Variants in SLC13A4 observed in about 807,000 individuals in gnomAD.
SLC13A4 encodes the protein solute carrier family 13 member 4.
A neutral mutation model predicts 72.7 loss-of-function variants in SLC13A4; 28 were observed. The ratio of observed to expected loss-of-function variants is 0.39; its 90% CI spans 0.29 to 0.53. The LOEUF (loss-of-function observed/expected upper bound fraction) is 0.53. SLC13A4 is among the 20% of genes least tolerant of loss of function. SLC13A4 has a pLI of 0.78. For missense variants in SLC13A4, 653 were observed against 788.0 expected, an observed-to-expected ratio of 0.83 and a Z score of 2.05; for synonymous variants, 312 against 325.5, an observed-to-expected ratio of 0.96 and a Z score of 0.45.
At chr7:135,703,085 T>C (rs1035666068) in intron 5 of SLC13A4, 6 of 583,436 alleles carry the variant, frequency 1.0e-5, no homozygotes, top group Non-Finnish European at 1.8e-5. Flanking sequence ...GGGGCCTGCT[T>C]CCTTCTGAGG....
At chr7:135,721,324 C>T in intron 2 of SLC13A4, 71 bp downstream of exon 2, 1 of 1,576,734 alleles carries the variant, frequency 6.3e-7, no homozygotes, top group Non-Finnish European at 8.7e-7. Context: ...GTGAATCTCC[C>T]TTCATTGGAG....
At chr7:135,684,899 A>G (rs1795586816) in intron 14 of SLC13A4, among the ~76,000 whole-genome samples, 1 of 152,168 alleles carries the variant, frequency 6.6e-6, no homozygotes, top group African/African-American at 2.4e-5. Flanking sequence ...CCAGAATGGG[A>G]CAGATGAAGC....
intron 8 of SLC13A4, 105 bp from the exon 9 acceptor site, chr7:135,695,592 G>T: frequency 2.3e-6 from 3 of 1,295,590 alleles, no homozygotes; most frequent in Admixed American, 4.6e-5. Context: ...TGGGCTAAGT[G>T]GGGAGATAAT....
At chr7:135,705,931 G>A (rs1796149455) in intron 4 of SLC13A4, 197 bp downstream of exon 4, 2 of 571,330 alleles carry the variant, frequency 3.5e-6, no homozygotes, top group African/African-American at 1.9e-5. Flanking sequence ...GCCAGAACAG[G>A]GAGTTCAGGG....
intron 1 of SLC13A4, among the ~76,000 whole-genome samples, chr7:135,722,172 G>A (rs1287089390): frequency 6.6e-6 from 1 of 152,090 alleles, no homozygotes; most frequent in Non-Finnish European, 1.5e-5. Flanking sequence ...TGAGCCCAGG[G>A]GCTTCAGGCT....
chr7:135,682,498 G>A (rs1795525345), intron 15 of SLC13A4, among the ~76,000 whole-genome samples: 1 of 152,244 alleles, frequency 6.6e-6, no homozygotes, highest in African/African-American at 2.4e-5. Flanking sequence ...AGGGGAAAGT[G>A]GATGCTGGGA....
rs1225027141 is a variant in SLC13A4, at chr7:135,685,535, A to C, written c.1595T>G (p.Ile532Ser). 6.2e-7 allele frequency: 1 copy of C among 1,614,112 alleles called. No homozygotes were observed. The highest frequency in any genetic ancestry group is 8.5e-7 in the Non-Finnish European group (1 of 1,179,988). Reference sequence around the variant, plus strand: ...CGCATTACTCACCAGGCTGCACAGGATGGGCAGGAAGATGGTGATGGTTGC... The same window carrying C: ...CGCATTACTCACCAGGCTGCACAGGCTGGGCAGGAAGATGGTGATGGTTGC... ...NPATITIFLP[I>S]LCSLSETLHI... The change falls in exon 14 of 16, where the codon ATC becomes AGC. Residue 532 changes from isoleucine to serine, a missense_variant. Ile to Ser is a moderately radical substitution (Grantham distance 142). Transcript: ENST00000682651.
chr7:135,724,360 G>T (rs1173725495), intron 1 of SLC13A4, among the ~76,000 whole-genome samples: 1 of 151,816 alleles, frequency 6.6e-6, no homozygotes, highest in East Asian at 1.9e-4. Flanking sequence ...ATCCAGGTGT[G>T]GTGGCACATG....
At chr7:135,687,436 A>G (rs1349296817) in intron 13 of SLC13A4, among the ~76,000 whole-genome samples, 1 of 152,230 alleles carries the variant, frequency 6.6e-6, no homozygotes, top group Non-Finnish European at 1.5e-5. Context: ...TTCCAAATTC[A>G]TCAAAAGCTC....
At chr7:135,715,443 G>A (rs1796410945) in intron 2 of SLC13A4, among the ~76,000 whole-genome samples, 1 of 151,608 alleles carries the variant, frequency 6.6e-6, no homozygotes, top group Non-Finnish European at 1.5e-5. Flanking sequence ...GTGTATGAGT[G>A]TGTGAATGTG....
intron 2 of SLC13A4, 103 bp downstream of exon 2, chr7:135,721,292 C>A: frequency 7.3e-7 from 1 of 1,377,240 alleles, no homozygotes; most frequent in Non-Finnish European, 1.0e-6. Context: ...GGTGACAAGG[C>A]CCCCTCATCG....
At chr7:135,715,819 C>T (rs574635797) in intron 2 of SLC13A4, among the ~76,000 whole-genome samples, 6 of 152,272 alleles carry the variant, frequency 3.9e-5, no homozygotes, top group East Asian at 1.9e-4. Flanking sequence ...GATATAATGA[C>T]GGTAAGTGAG....
At chr7:135,698,900 T>C (rs1795966406) in intron 8 of SLC13A4, among the ~76,000 whole-genome samples, 1 of 152,144 alleles carries the variant, frequency 6.6e-6, no homozygotes, top group Non-Finnish European at 1.5e-5. Flanking sequence ...CCCAAAGCGC[T>C]GGGATTACAG....
intron 9 of SLC13A4, among the ~76,000 whole-genome samples, 167 bp from the exon 10 acceptor site, chr7:135,694,405 G>A (rs1032733580): frequency 2.0e-5 from 3 of 152,148 alleles, no homozygotes; most frequent in Admixed American, 2.0e-4. Context: ...TATCTGCCAA[G>A]TTATCCGGCC....
chr7:135,721,258 T>C, intron 2 of SLC13A4, 137 bp downstream of exon 2: 1 of 961,886 alleles, frequency 1.0e-6, no homozygotes, highest in Non-Finnish European at 1.6e-6. Flanking sequence ...TGCCAAAGCT[T>C]AGTGTTAAGG....
intron 2 of SLC13A4, among the ~76,000 whole-genome samples, chr7:135,715,374 T>C (rs1458899817): frequency 1.1e-5 from 1 of 92,450 alleles, no homozygotes; most frequent in African/African-American, 4.7e-5. Flanking sequence ...TGTGTATGAG[T>C]GTGTGAGTGT....
chr7:135,695,790 CT>C (rs1795890205), intron 8 of SLC13A4, among the ~76,000 whole-genome samples: 2 of 152,244 alleles, frequency 1.3e-5, no homozygotes, highest in African/African-American at 2.4e-5. Flanking sequence ...AAAGATTCTG[CT>C]AAGTTTATTC....
chr7:135,727,630 G>A lies in SLC13A4; in HGVS notation c.-134C>T. On this transcript the variant is annotated 5_prime_UTR_variant, in exon 1 of 16. Transcript: ENST00000682651. Reference sequence around the variant, plus strand: ...TTCCGAGAGTCCTCCTTCGTCTTGGGGGCAGAACGGGAGGGCAGTTATACC... The same window carrying A: ...TTCCGAGAGTCCTCCTTCGTCTTGGAGGCAGAACGGGAGGGCAGTTATACC... 2 of 1,159,108 alleles carry A rather than the reference G, an allele frequency of 1.7e-6. No homozygotes were observed. Among genetic ancestry groups the A allele is most frequent in the Non-Finnish European group, 2.4e-6 (2 of 846,124 alleles). The allele number at this position is 1,159,108 out of a possible 1,614,324, so 71.8% of individuals were successfully genotyped here.
chr7:135,695,559 A>C, intron 8 of SLC13A4, 72 bp from the exon 9 acceptor site: 1 of 1,522,832 alleles, frequency 6.6e-7, no homozygotes, highest in Non-Finnish European at 8.9e-7. Flanking sequence ...GTAGTATGCC[A>C]AATGCTCCCT....
Sources: gnomAD v4.1 joint callset for allele counts (sites outside exome capture counted in the v4.1 genomes callset) on GRCh38, gnomAD v4.1.1 for gene constraint, MANE v1.5 for transcripts, NCBI Gene and HGNC (gene_info 2026-07-23, HGNC 2026-07-21) for gene names.